CBLC: variants seen among roughly 807,000 people sequenced by gnomAD.
CBLC encodes the protein Cbl proto-oncogene C, also known as E3 ubiquitin-protein ligase CBL-C.
In CBLC, 46 loss-of-function variants were observed where a neutral mutation model predicts 58.6. The observed-to-expected ratio is 0.79, with a 90% CI of 0.62 to 1.00. The LOEUF (loss-of-function observed/expected upper bound fraction) is 1.00, where lower values mean the gene tolerates loss of function less well. Among genes scored for constraint, CBLC ranks in the 50% least tolerant of loss-of-function variants. The pLI, the probability that CBLC is intolerant of heterozygous loss-of-function variation, is 0.00. For synonymous variants in CBLC, 271 were observed against 264.2 expected (o/e 1.03, Z -0.25); for missense variants, 655 against 625.8 (o/e 1.05, Z -0.50).
Position 44,800,366 on chromosome 19 carries a change from A to T in CBLC, c.1363-15A>T, listed in dbSNP as rs765170387. On this transcript the variant is annotated splice_polypyrimidine_tract_variant and intron_variant, in intron 9 of 10. Coordinates refer to ENST00000647358, the MANE Select transcript of CBLC (RefSeq NM_012116.4). Reference sequence around the variant, plus strand: ...GCCGGGAATCAACCGCCCTCTCAAAATATCTCCATTGCAGAGACTCCTAAA... The same window carrying T: ...GCCGGGAATCAACCGCCCTCTCAAATTATCTCCATTGCAGAGACTCCTAAA... 2.5e-6 allele frequency: 4 copies of T among 1,592,420 alleles called. No individual in the cohort carries two copies. The highest frequency in any genetic ancestry group is 3.4e-6 in the Non-Finnish European group (4 of 1,160,534).
At chr19:44,787,428 G>A (rs2965121) in intron 5 of CBLC, among the ~76,000 whole-genome samples, 29,540 of 151,632 alleles carry the variant, frequency 0.19, 4,851 homozygotes, top group African/African-American at 0.45. Flanking sequence ...AAAGTCAATC[G>A]TAGAAGTCCC....
intron 8 of CBLC, 40 bp downstream of exon 8, chr19:44,793,660 A>C: frequency 6.6e-7 from 1 of 1,520,782 alleles, no homozygotes; most frequent in Non-Finnish European, 8.7e-7. Flanking sequence ...CAAATTCCTG[A>C]GGCCTGAGTG....
At chr19:44,798,200 T>G (rs1259365949) in intron 9 of CBLC, among the ~76,000 whole-genome samples, 1 of 92,680 alleles carries the variant, frequency 1.1e-5, no homozygotes, top group East Asian at 2.5e-4. Context: ...TGGGTTTTTT[T>G]GTTTGTTTGT....
chr19:44,780,794 C>G, intron 1 of CBLC, 111 bp from the exon 2 acceptor site: 1 of 1,137,654 alleles, frequency 8.8e-7, no homozygotes, highest in Non-Finnish European at 1.3e-6. Flanking sequence ...TTACCTTACA[C>G]TGTTGAGATA....
intron 5 of CBLC, among the ~76,000 whole-genome samples, chr19:44,786,527 G>A (rs368708104): frequency 6.7e-6 from 1 of 150,160 alleles, no homozygotes; most frequent in African/African-American, 2.4e-5. Context: ...CCCTGGAGGC[G>A]GAGGTTGCAG....
chr19:44,794,646 G>T (rs1968143634), intron 9 of CBLC, among the ~76,000 whole-genome samples: 1 of 150,928 alleles, frequency 6.6e-6, no homozygotes, highest in Non-Finnish European at 1.5e-5. Context: ...TGTATTTTTA[G>T]TACAGACAGA....
chr19:44,782,415 C>T lies in CBLC; in HGVS notation c.703C>T (p.His235Tyr). Residue 235 changes from histidine (H) to tyrosine (Y), a missense_variant, in exon 4 of 11, where the codon CAC becomes TAC. Around this residue, in one of 3 missense-constraint regions of CBLC, gnomAD observed 371 missense variants for 370.8 expected, o/e 1.00. Transcript: ENST00000647358. Reference protein sequence around the residue: ...LKNWQLLAVNHPGYMAFLTYD... With the variant: ...LKNWQLLAVNYPGYMAFLTYD... Reference sequence around the variant, plus strand: ...GAACTGGCAGCTCCTGGCAGTCAACCACCCAGGCTACATGGCCTTCCTCAC... The same window carrying T: ...GAACTGGCAGCTCCTGGCAGTCAACTACCCAGGCTACATGGCCTTCCTCAC... 2 of 1,613,874 alleles carry T rather than the reference C, an allele frequency of 1.2e-6. No homozygotes were observed.
At chr19:44,783,817 C>G (rs1967812656) in intron 4 of CBLC, among the ~76,000 whole-genome samples, 1 of 152,168 alleles carries the variant, frequency 6.6e-6, no homozygotes, top group African/African-American at 2.4e-5. Flanking sequence ...TTGCTTCATT[C>G]TCAAACATGG....
intron 3 of CBLC, 45 bp downstream of exon 3, chr19:44,781,408 A>C (rs1967727582): frequency 1.3e-6 from 2 of 1,571,562 alleles, no homozygotes; most frequent in Non-Finnish European, 1.7e-6. Context: ...GTCCAGGAGG[A>C]AGTAGAGGGC....
intron 5 of CBLC, among the ~76,000 whole-genome samples, chr19:44,784,816 T>A (rs759712053): frequency 6.6e-5 from 10 of 152,040 alleles, no homozygotes; most frequent in Non-Finnish European, 1.2e-4. Flanking sequence ...TCTTCCTGCC[T>A]CGGCCTCCCA....
In CBLC at chr19:44,793,731, C is replaced by G. The variant is rs1599872288; in HGVS notation, c.1284+111C>G. The G allele has an allele frequency of 7.5e-6, 8 of 1,067,460 alleles. No individual in the cohort carries two copies. In the East Asian group the frequency reaches 2.1e-4, roughly 28 times the overall value. The allele number at this position is 1,067,460 out of a possible 1,614,324, so 66.1% of individuals were successfully genotyped here. A position where few individuals can be genotyped will look rare whatever the true frequency, so the allele number is the denominator to read the frequency against. On this transcript the variant is annotated intron_variant, in intron 8 of 10. Transcript: ENST00000647358. ...GAGGAGAGACTGGGGGCCTGGACTCCTGGGTCTGAGGGAAGAGGGGTTGGA... is the reference window on the plus strand; with the variant it reads ...GAGGAGAGACTGGGGGCCTGGACTCGTGGGTCTGAGGGAAGAGGGGTTGGA...
chr19:44,796,914 G>C (rs577207390), intron 9 of CBLC, among the ~76,000 whole-genome samples: 19 of 152,206 alleles, frequency 1.2e-4, no homozygotes, highest in East Asian at 3.9e-4. Context: ...GGGGCGGTGG[G>C]GGGGAGGGTG....
At position 44,800,614 on chromosome 19, in the gene CBLC, A is replaced by C; in HGVS notation, c.*71A>C. On this transcript the variant is annotated 3_prime_UTR_variant, in exon 11 of 11. Transcript: ENST00000647358. Reference sequence around the variant, plus strand: ...GGAAGGGGGTTGTGAAACCGAAATAAACTGCCAAGCCTGGTCTGTCCTCCA... The same window carrying C: ...GGAAGGGGGTTGTGAAACCGAAATACACTGCCAAGCCTGGTCTGTCCTCCA... The C allele has an allele frequency of 1.8e-6, 1 of 561,202 alleles. No homozygotes were observed. The allele number at this position is 561,202 out of a possible 1,614,324, so 34.8% of individuals were successfully genotyped here.
chr19:44,796,421 T>A (rs1968179318), intron 9 of CBLC, among the ~76,000 whole-genome samples: 1 of 152,146 alleles, frequency 6.6e-6, no homozygotes, highest in South Asian at 2.1e-4. Context: ...TTCACTCTTG[T>A]TGCCCAGGCT....
chr19:44,787,444 A>G (rs1246472662), intron 5 of CBLC, among the ~76,000 whole-genome samples: 1 of 151,956 alleles, frequency 6.6e-6, no homozygotes, highest in Non-Finnish European at 1.5e-5. Flanking sequence ...GTCCCTTCTT[A>G]TTGGGTGTTT....
At chr19:44,783,072 T>G (rs1354271017) in intron 4 of CBLC, among the ~76,000 whole-genome samples, 1 of 152,138 alleles carries the variant, frequency 6.6e-6, no homozygotes, top group Non-Finnish European at 1.5e-5. Flanking sequence ...AATAAATTCC[T>G]ATAATTGAAA....
intron 9 of CBLC, 134 bp downstream of exon 9, chr19:44,794,415 C>T: frequency 3.5e-6 from 2 of 573,312 alleles, no homozygotes; most frequent in Non-Finnish European, 6.0e-6. Context: ...CCCATCCCCT[C>T]TGTGACCTCT....
chr19:44,796,239 T>C (rs1282570892), intron 9 of CBLC, among the ~76,000 whole-genome samples: 1 of 151,948 alleles, frequency 6.6e-6, no homozygotes, highest in Non-Finnish European at 1.5e-5. Context: ...AACAAATGAA[T>C]GTTCCTCTCC....
chr19:44,782,222 A>G (rs931434449), intron 3 of CBLC, 148 bp from the exon 4 acceptor site: 96 of 1,203,474 alleles, frequency 8.0e-5, no homozygotes, highest in Non-Finnish European at 9.8e-5. Context: ...TTCTGGAGAA[A>G]GAAGAGCTTG....
Sources: gnomAD v4.1 joint callset for allele counts (sites outside exome capture counted in the v4.1 genomes callset) on GRCh38, gnomAD v4.1.1 for gene constraint, gnomAD v4.1.1 regional missense constraint, MANE v1.5 for transcripts, NCBI Gene and HGNC (gene_info 2026-07-23, HGNC 2026-07-21) for gene names.